ZNF385B: variants seen among roughly 807,000 people sequenced by gnomAD.
ZNF385B encodes the protein zinc finger protein 533.
In ZNF385B, 23 loss-of-function variants were observed where a neutral mutation model predicts 39.2. The observed-to-expected ratio is 0.59, with a 90% CI of 0.42 to 0.83. The LOEUF (loss-of-function observed/expected upper bound fraction) is 0.83. Ranked by LOEUF, ZNF385B falls within the 40% of genes least tolerant of loss-of-function variation. ZNF385B has a pLI of 0.00. For synonymous variants in ZNF385B, 205 were observed against 222.6 expected (o/e 0.92, Z 0.70); for missense variants, 552 against 598.9 (o/e 0.92, Z 0.82).
At chr2:179,483,176 G>A (rs2054186992) in intron 6 of ZNF385B, 96 bp downstream of exon 6, 16 of 1,354,668 alleles carry the variant, frequency 1.2e-5, no homozygotes, top group Non-Finnish European at 2.1e-6. Flanking sequence ...ACAAATCATG[G>A]AGAGTAACAT....
At chr2:179,581,139 G>C (rs1167503706) in intron 3 of ZNF385B, among the ~76,000 whole-genome samples, 1 of 152,184 alleles carries the variant, frequency 6.6e-6, no homozygotes, top group East Asian at 1.9e-4. Context: ...GCAAAAGCTT[G>C]AAACTGAATC....
At chr2:179,717,462 G>A (rs1286009964) in intron 3 of ZNF385B, among the ~76,000 whole-genome samples, 1 of 152,226 alleles carries the variant, frequency 6.6e-6, no homozygotes, top group Non-Finnish European at 1.5e-5. Flanking sequence ...GCTGGGCACA[G>A]TGGCTCATGC....
Position 179,446,581 on chromosome 2 carries a change from C to T in ZNF385B, c.905G>A (p.Cys302Tyr). 2 of 1,614,006 alleles carry T rather than the reference C, an allele frequency of 1.2e-6. No homozygotes were observed. Among genetic ancestry groups the T allele is most frequent in the Non-Finnish European group, 1.7e-6 (2 of 1,179,980 alleles). Reference protein sequence around the residue: ...EEEKAKKLLYCSLCKVAVNSL... With the variant: ...EEEKAKKLLYYSLCKVAVNSL... The stretch of plus-strand genomic sequence containing the variant: ...GTTCACAGCCACTTTGCATAGTGAA[C>T]AATAAAGTAATTTTTTGGCTTTTTC... Residue 302 changes from cysteine to tyrosine, a missense_variant, in exon 7 of 10, where the codon TGT becomes TAT. Cys to Tyr is a radical substitution (Grantham distance 194, BLOSUM62 -2). Transcript: ENST00000410066.
intron 1 of ZNF385B, among the ~76,000 whole-genome samples, chr2:179,845,171 T>C (rs1366769644): frequency 6.6e-6 from 1 of 152,198 alleles, no homozygotes; most frequent in Non-Finnish European, 1.5e-5. Flanking sequence ...GAATATTTTC[T>C]CCATATAAAT....
intron 3 of ZNF385B, among the ~76,000 whole-genome samples, chr2:179,577,101 T>C (rs1349046729): frequency 6.6e-6 from 1 of 152,100 alleles, no homozygotes; most frequent in African/African-American, 2.4e-5. Flanking sequence ...AAATGAATAT[T>C]TGTGGCATGG....
chr2:179,478,976 A>G (rs1259488703), intron 6 of ZNF385B, among the ~76,000 whole-genome samples: 1 of 152,074 alleles, frequency 6.6e-6, no homozygotes, highest in African/African-American at 2.4e-5. Context: ...TGTTCTAGCC[A>G]TCTTCCTGAA....
At chr2:179,527,241 G>A (rs1413316782) in intron 4 of ZNF385B, among the ~76,000 whole-genome samples, 2 of 152,186 alleles carry the variant, frequency 1.3e-5, no homozygotes, top group Admixed American at 1.3e-4. Context: ...ATTCCCGATA[G>A]AAAACACAAG....
intron 3 of ZNF385B, among the ~76,000 whole-genome samples, chr2:179,761,557 T>C (rs1703386736): frequency 6.6e-6 from 1 of 152,016 alleles, no homozygotes; most frequent in East Asian, 1.9e-4. Flanking sequence ...ATGTTCATTT[T>C]TAGTATATAA....
At chr2:179,707,028 A>T in intron 3 of ZNF385B, among the ~76,000 whole-genome samples, 1 of 152,112 alleles carries the variant, frequency 6.6e-6, no homozygotes, top group East Asian at 1.9e-4. Flanking sequence ...GTGGGGAGAA[A>T]AGAGAGGGGT....
At chr2:179,816,675 C>CG (rs1559221085) in intron 1 of ZNF385B, among the ~76,000 whole-genome samples, 2 of 152,086 alleles carry the variant, frequency 1.3e-5, no homozygotes, top group Non-Finnish European at 2.9e-5. Context: ...GTCCTAGGTA[C>CG]GGTTTCCTAA....
chr2:179,649,637 T>C (rs952603422), intron 3 of ZNF385B, among the ~76,000 whole-genome samples: 2 of 152,164 alleles, frequency 1.3e-5, no homozygotes, highest in African/African-American at 4.8e-5. Context: ...GCAGAATATA[T>C]CATATAATAC....
At chr2:179,561,316 G>A (rs560071320) in intron 3 of ZNF385B, among the ~76,000 whole-genome samples, 1 of 152,224 alleles carries the variant, frequency 6.6e-6, no homozygotes, top group South Asian at 2.1e-4. Context: ...AATCAGGTAT[G>A]TAATAACTAA....
chr2:179,800,759 C>T (rs756654161), intron 1 of ZNF385B, among the ~76,000 whole-genome samples: 2 of 152,048 alleles, frequency 1.3e-5, no homozygotes, highest in African/African-American at 2.4e-5. Flanking sequence ...ATCCATCACT[C>T]AGATTTAACA....
rs1575528061 is a variant in ZNF385B at position 179,807,824 on chromosome 2, G to A, written c.-154-37152C>T. Among the ~76,000 whole-genome samples the A allele has an allele frequency of 2.0e-5, 3 of 150,730 alleles. No homozygotes were observed. The East Asian group carries it at 6.1e-4, about 31-fold the overall frequency. On this transcript the variant is annotated intron_variant, in intron 1 of 9. Coordinates refer to ENST00000410066, the MANE Select transcript of ZNF385B (RefSeq NM_152520.6). ...GCAGGAGAATGGCCTGAACCCGGGA[G>A]GTGGAGCTTGCAGTGAGCTGAGATC...
At chr2:179,538,689 C>T (rs1042523012) in intron 4 of ZNF385B, among the ~76,000 whole-genome samples, 1 of 152,114 alleles carries the variant, frequency 6.6e-6, no homozygotes, top group Non-Finnish European at 1.5e-5. Context: ...TTTATCCTGT[C>T]CCACATATTT....
At chr2:179,782,632 G>C (rs1704740124) in intron 1 of ZNF385B, among the ~76,000 whole-genome samples, 1 of 152,134 alleles carries the variant, frequency 6.6e-6, no homozygotes, top group African/African-American at 2.4e-5. Context: ...CTTCAGCAAA[G>C]TTTCAGGATA....
Position 179,591,755 on chromosome 2 carries a change from G to A in ZNF385B, c.299-46786C>T, listed in dbSNP as rs534942857. Among the ~76,000 whole-genome samples, 25 of 152,088 alleles carry A rather than the reference G, an allele frequency of 1.6e-4. No homozygotes were observed. In the East Asian group the frequency reaches 4.7e-3, roughly 28 times the overall value. On this transcript the variant is annotated intron_variant, in intron 3 of 9. Transcript: ENST00000410066. Reference sequence around the variant, plus strand: ...TAAATTGGATATGATGGAATGTGTGGACTGTCCTCATTAATAGATAAACTG... The same window carrying A: ...TAAATTGGATATGATGGAATGTGTGAACTGTCCTCATTAATAGATAAACTG...
intron 3 of ZNF385B, among the ~76,000 whole-genome samples, chr2:179,744,658 A>G (rs574524292): frequency 9.9e-5 from 15 of 151,686 alleles, no homozygotes; most frequent in African/African-American, 2.4e-4. Flanking sequence ...GCTGAAAGCT[A>G]TAAAACAGCT....
At chr2:179,675,788 G>A (rs1306086992) in intron 3 of ZNF385B, among the ~76,000 whole-genome samples, 2 of 61,904 alleles carry the variant, frequency 3.2e-5, no homozygotes, top group Non-Finnish European at 6.2e-5. Context: ...AATACTGACA[G>A]TAATTTTTTT....
Sources: gnomAD v4.1 joint callset for allele counts (sites outside exome capture counted in the v4.1 genomes callset) on GRCh38, gnomAD v4.1.1 for gene constraint, MANE v1.5 for transcripts, NCBI Gene and HGNC (gene_info 2026-07-23, HGNC 2026-07-21) for gene names.